The following ATRNL1 variants were observed in gnomAD, a reference collection of about 807,000 sequenced individuals.
ATRNL1 encodes the protein attractin like 1.
Under a neutral mutation model 182.7 loss-of-function variants are expected in ATRNL1, and 95 were observed. The ratio of observed to expected loss-of-function variants is 0.52; its 90% CI spans 0.44 to 0.62. The LOEUF (loss-of-function observed/expected upper bound fraction) is 0.62. ATRNL1 is among the 20% of genes least tolerant of loss of function. ATRNL1 has a pLI of 0.00. For missense variants in ATRNL1, 1,471 were observed against 1,679.5 expected, an observed-to-expected ratio of 0.88 and a Z score of 2.17; for synonymous variants, 576 against 568.3, an observed-to-expected ratio of 1.01 and a Z score of -0.19.
At chr10:115,920,762 G>A (rs1460536890) in intron 28 of ATRNL1, among the ~76,000 whole-genome samples, 3 of 152,154 alleles carry the variant, frequency 2.0e-5, no homozygotes, top group African/African-American at 4.8e-5. Context: ...GAAAGCAGGA[G>A]CTCTTCTAGT....
intron 27 of ATRNL1, among the ~76,000 whole-genome samples, chr10:115,818,934 A>C (rs1950229617): frequency 6.6e-6 from 1 of 152,114 alleles, no homozygotes; most frequent in South Asian, 2.1e-4. Flanking sequence ...ATTCCAAGAA[A>C]ACCTGCAATT....
At chr10:115,705,088 C>G (rs925147764) in intron 26 of ATRNL1, among the ~76,000 whole-genome samples, 55 of 151,998 alleles carry the variant, frequency 3.6e-4, no homozygotes, top group African/African-American at 1.2e-3. Flanking sequence ...CAGAGAATCT[C>G]AATGCCTAGG....
intron 20 of ATRNL1, among the ~76,000 whole-genome samples, chr10:115,401,661 T>A (rs1399221444): frequency 6.6e-6 from 1 of 152,142 alleles, no homozygotes; most frequent in East Asian, 1.9e-4. Context: ...AATGTATACA[T>A]TCTGTTTCTG....
At chr10:115,109,069 A>G (rs782312438) in intron 1 of ATRNL1, among the ~76,000 whole-genome samples, 5 of 152,124 alleles carry the variant, frequency 3.3e-5, no homozygotes, top group Non-Finnish European at 7.3e-5. Context: ...AATCTCTACA[A>G]AGTTTTAGGC....
At chr10:115,523,279 C>T (rs1486483510) in intron 25 of ATRNL1, among the ~76,000 whole-genome samples, 1 of 152,190 alleles carries the variant, frequency 6.6e-6, no homozygotes, top group African/African-American at 2.4e-5. Flanking sequence ...TACCATCTTC[C>T]TTGGGCTCTT....
intron 20 of ATRNL1, among the ~76,000 whole-genome samples, chr10:115,410,584 G>A (rs12260269): frequency 6.6e-6 from 1 of 151,716 alleles, no homozygotes; most frequent in African/African-American, 2.4e-5. Flanking sequence ...CTTCCAAAGT[G>A]CTGGGATTAC....
intron 19 of ATRNL1, among the ~76,000 whole-genome samples, chr10:115,365,352 G>T (rs1856976527): frequency 6.7e-6 from 1 of 150,374 alleles, no homozygotes; most frequent in Admixed American, 6.6e-5. Context: ...TATTTCTGTG[G>T]GATCGGTGGT....
chr10:115,706,585 A>G (rs782125720), intron 26 of ATRNL1, among the ~76,000 whole-genome samples: 5 of 151,854 alleles, frequency 3.3e-5, no homozygotes, highest in South Asian at 2.1e-4. Context: ...TTTAATACCA[A>G]TGTTGTCTTC....
chr10:115,641,669 TTAGC>T lies in ATRNL1; in HGVS notation c.3796-85574_3796-85571del, dbSNP rs1389657754. On this transcript the variant is annotated intron_variant, in intron 26 of 28. Transcript: ENST00000355044. ...ATTTACATAATTTTCTCATAAAACA[TTAGC>T]TAGCAACATGCTTATTTAAACCTTT... is the stretch of plus-strand genomic sequence containing the variant. Among the ~76,000 whole-genome samples the T allele has an allele frequency of 3.3e-5, 5 of 152,146 alleles. 1 individual carries two copies. Among genetic ancestry groups the T allele is most frequent in the Non-Finnish European group, 7.4e-5 (5 of 68,006 alleles).
chr10:115,667,817 C>G (rs1282725314), intron 26 of ATRNL1, among the ~76,000 whole-genome samples: 3 of 151,820 alleles, frequency 2.0e-5, no homozygotes, highest in Non-Finnish European at 4.4e-5. Context: ...CTACCATGAC[C>G]AGCTAATTTT....
intron 27 of ATRNL1, among the ~76,000 whole-genome samples, chr10:115,776,390 C>T (rs1199111725): frequency 6.6e-6 from 1 of 152,110 alleles, no homozygotes; most frequent in Non-Finnish European, 1.5e-5. Context: ...TGTACAGTTG[C>T]TAGATAATCT....
intron 24 of ATRNL1, among the ~76,000 whole-genome samples, chr10:115,494,150 G>A (rs562978455): frequency 6.6e-6 from 1 of 152,058 alleles, no homozygotes; most frequent in Non-Finnish European, 1.5e-5. Context: ...TTTTGTTTTT[G>A]TTGCAATTGC....
intron 5 of ATRNL1, among the ~76,000 whole-genome samples, chr10:115,132,958 G>T (rs1293396445): frequency 6.6e-6 from 1 of 152,140 alleles, no homozygotes; most frequent in East Asian, 1.9e-4. Flanking sequence ...TGCCAATTTT[G>T]GCTTTTGTTG....
intron 21 of ATRNL1, among the ~76,000 whole-genome samples, chr10:115,459,282 A>G (rs556768938): frequency 6.6e-6 from 1 of 152,326 alleles, no homozygotes; most frequent in African/African-American, 2.4e-5. Context: ...TTCAGGGAAT[A>G]CGAGAGATAA....
Position 115,462,038 on chromosome 10 carries a change from G to A in ATRNL1, c.3417+3G>A. ...ACTTTATAGCAAACCCAGAACAGGT[G>A]AGGAAAAATTGTTATCTTTTAAAGT... On this transcript the variant is annotated splice_donor_region_variant and intron_variant, in intron 22 of 28. Coordinates refer to ENST00000355044, the MANE Select transcript of ATRNL1 (RefSeq NM_207303.4). 4.4e-6 allele frequency: 7 copies of A among 1,591,476 alleles called. No individual in the cohort carries two copies. Among genetic ancestry groups the A allele is most frequent in the Non-Finnish European group, 6.0e-6 (7 of 1,167,458 alleles).
intron 28 of ATRNL1, among the ~76,000 whole-genome samples, chr10:115,881,925 T>C (rs1481967312): frequency 2.6e-5 from 4 of 152,228 alleles, no homozygotes; most frequent in Non-Finnish European, 5.9e-5. Flanking sequence ...ACACTGGTGC[T>C]GGAGGTAACT....
intron 26 of ATRNL1, among the ~76,000 whole-genome samples, chr10:115,721,112 A>G (rs1947408934): frequency 6.6e-6 from 1 of 152,230 alleles, no homozygotes; most frequent in Non-Finnish European, 1.5e-5. Context: ...TGTGATCTGC[A>G]GTTTGAGGAA....
intron 26 of ATRNL1, among the ~76,000 whole-genome samples, chr10:115,567,749 C>T (rs1854152404): frequency 2.0e-5 from 3 of 151,990 alleles, no homozygotes; most frequent in Admixed American, 6.6e-5. Flanking sequence ...ATTACCTGCT[C>T]ATTAGTGAAC....
In ATRNL1 at chr10:115,148,744, G is replaced by GTTT. The variant is rs71010009; in HGVS notation, c.830-11277_830-11275dup. 5.8e-3 allele frequency among the ~76,000 whole-genome samples: 679 copies of GTTT among 116,716 alleles called. 24 individuals carry two copies. The highest frequency in any genetic ancestry group is 0.015 in the East Asian group (58 of 3,820). 76.6% of individuals were successfully genotyped at this position (116,716 alleles called of 152,430 possible). A position where few individuals can be genotyped will look rare whatever the true frequency, so the allele number is the denominator to read the frequency against. On this transcript the variant is annotated intron_variant, in intron 5 of 28. Transcript: ENST00000355044. The stretch of plus-strand genomic sequence containing the variant: ...GATCTCCCTCTTTGAGGCCAGATGC[G>GTTT]TTTTTTTTTTTTTTTTTTTTTCTTT...
Sources: allele counts gnomAD v4.1 joint callset (sites outside exome capture counted in the v4.1 genomes callset), GRCh38; gene constraint gnomAD v4.1.1; transcripts MANE v1.5; gene names NCBI Gene and HGNC (gene_info 2026-07-23, HGNC 2026-07-21).